FDFT1: variants seen among roughly 807,000 people sequenced by gnomAD.
FDFT1 encodes squalene synthase.
FDFT1 carries 68 observed loss-of-function variants against 46.8 expected under a neutral mutation model. The ratio of observed to expected loss-of-function variants is 1.45; its 90% CI spans 1.19 to 1.78. The LOEUF (loss-of-function observed/expected upper bound fraction) is 1.78, where lower values mean the gene tolerates loss of function less well. Ranked by LOEUF, FDFT1 falls within the 40% of genes most tolerant of loss-of-function variation. FDFT1 has a pLI of 0.00. For missense variants in FDFT1, 928 were observed against 524.4 expected (o/e 1.77, Z -7.52); for synonymous variants, 351 against 185.1 (o/e 1.90, Z -7.28).
At chr8:11,796,639 G>A (rs76602811) in intron 1 of FDFT1, among the ~76,000 whole-genome samples, 1 of 152,172 alleles carries the variant, frequency 6.6e-6, no homozygotes, top group African/African-American at 2.4e-5. Context: ...GAAGTTGGAA[G>A]CAGCTGATAG....
At chr8:11,825,183 C>G (rs900394426) in intron 4 of FDFT1, among the ~76,000 whole-genome samples, 2 of 152,122 alleles carry the variant, frequency 1.3e-5, no homozygotes, top group African/African-American at 4.8e-5. Context: ...GTCCTAGTTC[C>G]TGTTACCAGA....
At chr8:11,819,808 A>G (rs1026442688) in intron 3 of FDFT1, among the ~76,000 whole-genome samples, 1 of 152,224 alleles carries the variant, frequency 6.6e-6, no homozygotes, top group Admixed American at 6.5e-5. Flanking sequence ...TTTAGCTTGG[A>G]GAAGTTTGTT....
upstream of FDFT1, among the ~76,000 whole-genome samples, chr8:11,798,375 A>T (rs1805776291): frequency 6.6e-6 from 1 of 152,092 alleles, no homozygotes; most frequent in African/African-American, 2.4e-5. Flanking sequence ...TGTGTTTTAG[A>T]CGAATAACTC....
intron 3 of FDFT1, among the ~76,000 whole-genome samples, chr8:11,812,763 T>G (rs7013950): frequency 1.3e-5 from 2 of 152,102 alleles, no homozygotes; most frequent in African/African-American, 4.8e-5. Flanking sequence ...ACCCAGTGAC[T>G]TCCGCCTCGA....
rs34874686 is a variant in FDFT1, at chr8:11,804,908, C to CTT, written c.99+1993_99+1994dup. The stretch of plus-strand genomic sequence containing the variant: ...ACAGGCGTGAGCCACTGCACCCGGC[C>CTT]TTTTTTTTTTTTTTTTTGAGGGGGG... On this transcript the variant is annotated intron_variant, in intron 1 of 7. Coordinates refer to ENST00000220584, the MANE Select transcript of FDFT1 (RefSeq NM_004462.5). 8.8e-4 allele frequency among the ~76,000 whole-genome samples: 98 copies of CTT among 111,434 alleles called. 2 individuals carry two copies. The highest frequency in any genetic ancestry group is 5.1e-3 in the Middle Eastern group (1 of 198). The allele number at this position is 111,434 out of a possible 152,430, so 73.1% of individuals were successfully genotyped here.
At chr8:11,814,502 T>G (rs555444645) in intron 3 of FDFT1, among the ~76,000 whole-genome samples, 4 of 152,196 alleles carry the variant, frequency 2.6e-5, no homozygotes, top group Non-Finnish European at 4.4e-5. Flanking sequence ...CTTTCAATGT[T>G]TAACCAAATC....
intron 7 of FDFT1, among the ~76,000 whole-genome samples, chr8:11,835,971 T>TCA (rs1554530005): frequency 6.2e-5 from 4 of 64,608 alleles, no homozygotes; most frequent in African/African-American, 2.0e-4. Context: ...CTGTCTCTAC[T>TCA]AAAAAAAAAA....
intron 5 of FDFT1, among the ~76,000 whole-genome samples, chr8:11,826,473 A>G (rs1036962479): frequency 1.3e-5 from 2 of 152,154 alleles, no homozygotes; most frequent in Admixed American, 1.3e-4. Flanking sequence ...CAAGTGGTGG[A>G]TATGGTAACA....
chr8:11,803,565 C>G (rs1040090051), intron 1 of FDFT1: 9 of 998,012 alleles, frequency 9.0e-6, no homozygotes, highest in African/African-American at 5.1e-5. Flanking sequence ...CATGCCTGTA[C>G]TATTTGTTTA....
upstream of FDFT1, among the ~76,000 whole-genome samples, chr8:11,797,367 T>C (rs971129097): frequency 6.6e-6 from 1 of 152,232 alleles, no homozygotes; most frequent in Middle Eastern, 3.2e-3. Flanking sequence ...CTGAGGGAGC[T>C]GGATTAGGGG....
intron 2 of FDFT1, chr8:11,809,403 A>G (rs1807387892): frequency 1.7e-6 from 2 of 1,210,402 alleles, no homozygotes; most frequent in African/African-American, 1.6e-5. Flanking sequence ...ATAGTTCTAC[A>G]TTGGTTAAAT....
intron 3 of FDFT1, among the ~76,000 whole-genome samples, chr8:11,812,518 G>T (rs1169239135): frequency 4.6e-5 from 7 of 152,204 alleles, no homozygotes; most frequent in African/African-American, 1.7e-4. Flanking sequence ...TCTGTGCCCT[G>T]CTGCATTCTG....
chr8:11,812,247 A>G (rs1467315390), intron 3 of FDFT1, among the ~76,000 whole-genome samples: 3 of 152,218 alleles, frequency 2.0e-5, no homozygotes, highest in African/African-American at 7.2e-5. Context: ...TCCTTGCCCC[A>G]AATCCCTGAG....
At chr8:11,835,971 TA>T (rs755611965) in intron 7 of FDFT1, among the ~76,000 whole-genome samples, 1,890 of 64,420 alleles carry the variant, frequency 0.029, 79 homozygotes, top group African/African-American at 0.09. Context: ...CTGTCTCTAC[TA>T]AAAAAAAAAA....
At chr8:11,807,007 C>G (rs570550665) in intron 1 of FDFT1, among the ~76,000 whole-genome samples, 2 of 124,760 alleles carry the variant, frequency 1.6e-5, no homozygotes, top group Non-Finnish European at 3.7e-5. Context: ...AATACGTATT[C>G]ATGATAGGAA....
intron 3 of FDFT1, among the ~76,000 whole-genome samples, chr8:11,818,585 T>C (rs149027870): frequency 0.13 from 20,434 of 152,264 alleles, 1,480 homozygotes; most frequent in Middle Eastern, 0.16. Flanking sequence ...TTAGCTCTTC[T>C]TGTTGAATTG....
In FDFT1 at chr8:11,809,733, C is replaced by T. The variant is rs745784138; in HGVS notation, c.264C>T (p.Ile88=). Residue 88 remains isoleucine (I), a synonymous_variant, in exon 3 of 8, where the codon ATC becomes ATT. Transcript: ENST00000220584. ...ALDTLEDDMT[I]SVEKKVPLLH... The stretch of plus-strand genomic sequence containing the variant: ...ACACACTGGAAGATGACATGACCAT[C>T]AGTGTGGAAAAGAAGGTCCCGCTGT... The T allele has an allele frequency of 1.2e-6, 2 of 1,613,990 alleles. No individual in the cohort carries two copies. Among genetic ancestry groups the T allele is most frequent in the Admixed American group, 1.7e-5 (1 of 60,010 alleles).
At chr8:11,826,854 A>G (rs1164952557) in intron 5 of FDFT1, among the ~76,000 whole-genome samples, 2 of 152,126 alleles carry the variant, frequency 1.3e-5, no homozygotes, top group Admixed American at 6.6e-5. Flanking sequence ...CTCAGCCCTG[A>G]ATCAGTTACT....
At chr8:11,804,697 C>G (rs12542790) in intron 1 of FDFT1, among the ~76,000 whole-genome samples, 1,871 of 149,966 alleles carry the variant, frequency 0.012, 55 homozygotes, top group Admixed American at 0.058. Flanking sequence ...GCCTCCGCCT[C>G]CTGGGTTCAA....
Sources: gnomAD v4.1 joint callset for allele counts (sites outside exome capture counted in the v4.1 genomes callset) on GRCh38, gnomAD v4.1.1 for gene constraint, MANE v1.5 for transcripts, NCBI Gene and HGNC (gene_info 2026-07-23, HGNC 2026-07-21) for gene names.